Variants in PLN observed in about 807,000 individuals in gnomAD.
The protein encoded by PLN is phospholamban.
PLN carries 1 observed loss-of-function variant against 3.9 expected under a neutral mutation model. The ratio of observed to expected loss-of-function variants is 0.26; its 90% CI spans 0.09 to 1.23. The LOEUF is 1.23. Among genes scored for constraint, PLN ranks in the 50% most tolerant of loss-of-function variants. The pLI, the probability that PLN is intolerant of heterozygous loss-of-function variation, is 0.48. For synonymous variants in PLN, 21 were observed against 20.5 expected (o/e 1.02, Z -0.07); for missense variants, 59 against 62.7 (o/e 0.94, Z 0.20).
chr6:118,555,631 G>A (rs1778816759), intron 1 of PLN, among the ~76,000 whole-genome samples: 1 of 152,134 alleles, frequency 6.6e-6, no homozygotes, highest in Non-Finnish European at 1.5e-5. Context: ...TATATGTCAA[G>A]TTTAAGCTGC....
chr6:118,554,491 TA>T (rs1778737038), intron 1 of PLN, among the ~76,000 whole-genome samples: 1 of 152,146 alleles, frequency 6.6e-6, no homozygotes, highest in African/African-American at 2.4e-5. Flanking sequence ...GTTTTAGTCA[TA>T]AAAATCCCTT....
intron 1 of PLN, among the ~76,000 whole-genome samples, chr6:118,550,998 AT>A (rs1387218485): frequency 6.6e-6 from 1 of 151,888 alleles, no homozygotes; most frequent in Non-Finnish European, 1.5e-5. Flanking sequence ...TTTAAAAAAA[AT>A]AACACACCCC....
intron 1 of PLN, among the ~76,000 whole-genome samples, chr6:118,551,799 T>C (rs1778562213): frequency 1.3e-5 from 2 of 152,020 alleles, no homozygotes; most frequent in Non-Finnish European, 2.9e-5. Flanking sequence ...AGCTCTGGAA[T>C]GTTGCTACCA....
intron 1 of PLN, among the ~76,000 whole-genome samples, chr6:118,552,105 AC>A (rs1475388273): frequency 1.3e-5 from 2 of 152,068 alleles, no homozygotes; most frequent in African/African-American, 4.8e-5. Context: ...GATGGAAAAA[AC>A]ATCCTAGAGT....
Position 118,559,399 on chromosome 6 carries a change from T to C in PLN, c.*319T>C, listed in dbSNP as rs1003842057. On this transcript the variant is annotated 3_prime_UTR_variant, in exon 2 of 2. Coordinates refer to ENST00000357525, the MANE Select transcript of PLN (RefSeq NM_002667.5). ...AAGATGAAGAGTTTAGTTTTAAAAC[T>C]GCACTGCCAACAAGTTCACTTCATA... The C allele has an allele frequency of 5.5e-6, 2 of 361,328 alleles. No homozygotes were observed. Among genetic ancestry groups the C allele is most frequent in the South Asian group, 2.6e-5 (1 of 38,290 alleles). The allele number at this position is 361,328 out of a possible 1,614,324, so 22.4% of individuals were successfully genotyped here.
At chr6:118,555,353 G>A (rs1049327554) in intron 1 of PLN, among the ~76,000 whole-genome samples, 4 of 151,404 alleles carry the variant, frequency 2.6e-5, no homozygotes, top group Admixed American at 2.0e-4. Flanking sequence ...GCGTGAACCC[G>A]GGAGGTGGAG....
At chr6:118,549,581 TTTCC>T (rs1374036622) in intron 1 of PLN, among the ~76,000 whole-genome samples, 5 of 151,956 alleles carry the variant, frequency 3.3e-5, no homozygotes, top group Admixed American at 1.3e-4. Flanking sequence ...TGTAAGCAGC[TTTCC>T]TTAAGACATA....
At position 118,561,497 on chromosome 6, in the gene PLN, AAAG is replaced by A. The variant is rs1221730616; in HGVS notation, c.*2420_*2422del. Among the ~76,000 whole-genome samples the A allele has an allele frequency of 1.3e-5, 2 of 152,264 alleles. No homozygotes were observed. The highest frequency in any genetic ancestry group is 1.9e-4 in the East Asian group (1 of 5,194). ...ATAATTATTCTTCATCATAAAGTGT[AAAG>A]AATAAGATATAAGAAAACAATTTAT... On this transcript the variant is annotated 3_prime_UTR_variant, in exon 2 of 2. Transcript: ENST00000357525.
intron 1 of PLN, among the ~76,000 whole-genome samples, chr6:118,555,828 C>T (rs562981833): frequency 2.0e-5 from 3 of 152,182 alleles, no homozygotes; most frequent in East Asian, 1.9e-4. Flanking sequence ...TAGACCCCAG[C>T]GTCTGTTGTT....
rs187090233 is a variant in PLN at position 118,550,000 on chromosome 6, T to C, written c.-98+1608T>C. On this transcript the variant is annotated intron_variant, in intron 1 of 1. Transcript: ENST00000357525. ...TCTATACCTTAAGGTGCAAGTTAAG[T>C]ATTATCTTTGTTTATGAAGACATGT... Among the ~76,000 whole-genome samples, 8 of 152,018 alleles carry C rather than the reference T, an allele frequency of 5.3e-5. No homozygotes were observed. In the East Asian group the frequency reaches 1.3e-3, roughly 26 times the overall value.
At position 118,558,839 on chromosome 6, in the gene PLN, G is replaced by A. The variant is rs1053205221; in HGVS notation, c.-83G>A. On this transcript the variant is annotated 5_prime_UTR_variant, in exon 2 of 2. Coordinates refer to ENST00000357525, the MANE Select transcript of PLN (RefSeq NM_002667.5). Reference sequence around the variant, plus strand: ...TTACATTCCAGGCTACCTAAAAGAAGACAGTTATCTCATATTTGGCTGCCA... The same window carrying A: ...TTACATTCCAGGCTACCTAAAAGAAAACAGTTATCTCATATTTGGCTGCCA... 1.1e-5 allele frequency: 10 copies of A among 918,892 alleles called. No homozygotes were observed. Among genetic ancestry groups the A allele is most frequent in the Non-Finnish European group, 1.8e-5 (10 of 553,590 alleles). 56.9% of individuals were successfully genotyped at this position (918,892 alleles called of 1,614,324 possible). A position where few individuals can be genotyped will look rare whatever the true frequency, so the allele number is the denominator to read the frequency against.
At chr6:118,551,982 C>G (rs1778576604) in intron 1 of PLN, among the ~76,000 whole-genome samples, 1 of 151,952 alleles carries the variant, frequency 6.6e-6, no homozygotes, top group Non-Finnish European at 1.5e-5. Flanking sequence ...TCACTTATGG[C>G]TTATCAGTGG....
intron 1 of PLN, among the ~76,000 whole-genome samples, 165 bp from the exon 2 acceptor site, chr6:118,558,660 C>CAGAGAG (rs369698272): frequency 6.5e-5 from 8 of 122,214 alleles, no homozygotes; most frequent in South Asian, 5.9e-4. Flanking sequence ...CACACACACA[C>CAGAGAG]AGAGAGAGAG....
chr6:118,553,383 G>C (rs1360903958), intron 1 of PLN, among the ~76,000 whole-genome samples: 1 of 152,114 alleles, frequency 6.6e-6, no homozygotes, highest in Non-Finnish European at 1.5e-5. Context: ...CTCAATGTAT[G>C]ACAGGAAGCC....
chr6:118,555,660 CTTTTG>C (rs1375514497), intron 1 of PLN, among the ~76,000 whole-genome samples: 12 of 152,030 alleles, frequency 7.9e-5, no homozygotes, highest in African/African-American at 1.9e-4. Context: ...TTATTTTTAA[CTTTTG>C]TTTTAAGTTT....
chr6:118,558,401 T>A (rs1048996003), intron 1 of PLN, among the ~76,000 whole-genome samples: 1 of 152,176 alleles, frequency 6.6e-6, no homozygotes, highest in African/African-American at 2.4e-5. Flanking sequence ...CTTGTTTACA[T>A]CAATCAGCCT....
Position 118,558,914 on chromosome 6 carries a change from C to A in PLN, c.-8C>A. The A allele has an allele frequency of 6.2e-7, 1 of 1,612,550 alleles. No individual in the cohort carries two copies. The highest frequency in any genetic ancestry group is 8.5e-7 in the Non-Finnish European group (1 of 1,178,632). On this transcript the variant is annotated 5_prime_UTR_variant, in exon 2 of 2. The change creates a new upstream start codon in the 5' untranslated region. Coordinates refer to ENST00000357525, the MANE Select transcript of PLN (RefSeq NM_002667.5). ...TTAAAACTTCAGACTTCCTGTCCTGCTGGTATCATGGAGAAAGTCCAATAC... is the reference window on the plus strand; with the variant it reads ...TTAAAACTTCAGACTTCCTGTCCTGATGGTATCATGGAGAAAGTCCAATAC...
chr6:118,558,293 A>G (rs184220066), intron 1 of PLN, among the ~76,000 whole-genome samples: 16 of 152,206 alleles, frequency 1.1e-4, no homozygotes, highest in Admixed American at 2.6e-4. Flanking sequence ...TACATAGTTC[A>G]TATTTCTCTC....
intron 1 of PLN, among the ~76,000 whole-genome samples, chr6:118,551,238 G>A (rs1313360653): frequency 6.6e-6 from 1 of 151,728 alleles, no homozygotes; most frequent in Non-Finnish European, 1.5e-5. Context: ...TGAAAATGAA[G>A]CCTGGATGTA....
Sources: gnomAD v4.1 joint callset for allele counts (sites outside exome capture counted in the v4.1 genomes callset) on GRCh38, gnomAD v4.1.1 for gene constraint, MANE v1.5 for transcripts, NCBI Gene and HGNC (gene_info 2026-07-23, HGNC 2026-07-21) for gene names.